ABCC11: variants seen among roughly 807,000 people sequenced by gnomAD.
The protein encoded by ABCC11 is ATP-binding cassette sub-family C member 11.
In ABCC11, 135 loss-of-function variants were observed where a neutral mutation model predicts 149.3. The ratio of observed to expected loss-of-function variants is 0.90; its 90% CI spans 0.79 to 1.04. The LOEUF (loss-of-function observed/expected upper bound fraction) is 1.04. ABCC11 is among the 50% of genes least tolerant of loss of function. The pLI, the probability that ABCC11 is intolerant of heterozygous loss-of-function variation, is 0.00. For missense variants in ABCC11, 1,680 were observed against 1,722.1 expected, an observed-to-expected ratio of 0.98 and a Z score of 0.43; for synonymous variants, 665 against 671.4, an observed-to-expected ratio of 0.99 and a Z score of 0.15.
At chr16:48,244,887 C>T (rs755658492) in intron 1 of ABCC11, among the ~76,000 whole-genome samples, 4 of 152,218 alleles carry the variant, frequency 2.6e-5, no homozygotes, top group Non-Finnish European at 5.9e-5. Flanking sequence ...TTTGAATCCT[C>T]TTCCCCCTCT....
intron 13 of ABCC11, 48 bp from the exon 14 acceptor site, chr16:48,203,348 C>T (rs775990321): frequency 6.7e-7 from 1 of 1,482,660 alleles, no homozygotes; most frequent in Non-Finnish European, 9.2e-7. Flanking sequence ...GCCCTCCCGC[C>T]CATCACCCTT....
chr16:48,206,557 T>C (rs1968467745), intron 12 of ABCC11, among the ~76,000 whole-genome samples: 1 of 152,256 alleles, frequency 6.6e-6, no homozygotes, highest in Admixed American at 6.5e-5. Flanking sequence ...TGTTTACTTC[T>C]AGTTTGGAGC....
In ABCC11 at chr16:48,184,455, G is replaced by T. The variant is rs376409707; in HGVS notation, c.3243C>A (p.Val1081=). The T allele has an allele frequency of 3.5e-5, 57 of 1,613,924 alleles. No homozygotes were observed. The highest frequency in any genetic ancestry group is 8.3e-5 in the Admixed American group (5 of 59,984). The change falls in exon 23 of 30, where the codon GTC becomes GTA. Residue 1081 remains valine (V), a synonymous_variant. Transcript: ENST00000356608. ...STPYSFKVMA[V]NIVLQLASSF... is the part of the protein sequence containing the mutation. Reference sequence around the variant, plus strand: ...ACCCCCTCACCTGCAGCACGATGTTGACAGCCATGACTTTAAAGGAGTAGG... The same window carrying T: ...ACCCCCTCACCTGCAGCACGATGTTTACAGCCATGACTTTAAAGGAGTAGG...
At chr16:48,193,533 C>A (rs1188001603) in intron 19 of ABCC11, among the ~76,000 whole-genome samples, 3 of 152,138 alleles carry the variant, frequency 2.0e-5, no homozygotes, top group African/African-American at 7.2e-5. Flanking sequence ...GCTCACAAGA[C>A]CAGAAGTATA....
At chr16:48,189,905 C>A (rs1030790924) in intron 20 of ABCC11, among the ~76,000 whole-genome samples, 1 of 152,180 alleles carries the variant, frequency 6.6e-6, no homozygotes, top group African/African-American at 2.4e-5. Flanking sequence ...TCACCTCCTG[C>A]GTCTCCAAGT....
intron 6 of ABCC11, among the ~76,000 whole-genome samples, chr16:48,217,855 C>CA (rs1292107682): frequency 2.0e-4 from 30 of 152,082 alleles, no homozygotes; most frequent in African/African-American, 7.0e-4. Context: ...AAAAATTGCA[C>CA]AAAACTCTAT....
At chr16:48,167,429 C>T in intron 29 of ABCC11, 63 bp from the exon 30 acceptor site, 2 of 1,605,752 alleles carry the variant, frequency 1.2e-6, no homozygotes, top group Non-Finnish European at 1.7e-6. Context: ...CCTTGGAGGA[C>T]TCAAAGGCAT....
intron 28 of ABCC11, among the ~76,000 whole-genome samples, chr16:48,169,058 T>G (rs1266944300): frequency 1.3e-5 from 2 of 152,136 alleles, no homozygotes; most frequent in Non-Finnish European, 2.9e-5. Context: ...AAAGTAAATT[T>G]AAAAAATATA....
intron 10 of ABCC11, among the ~76,000 whole-genome samples, chr16:48,212,686 C>A (rs1567268423): frequency 1.3e-5 from 2 of 152,180 alleles, no homozygotes; most frequent in African/African-American, 4.8e-5. Flanking sequence ...GACCCCTGTT[C>A]AATACAGTAT....
At chr16:48,192,486 A>C (rs1967009334) in intron 20 of ABCC11, 34 bp downstream of exon 20, 1 of 1,608,118 alleles carries the variant, frequency 6.2e-7, no homozygotes. Context: ...TTCAGAGCTC[A>C]GCCTTCGGCC....
At chr16:48,227,734 G>C in intron 4 of ABCC11, 72 bp downstream of exon 4, 1 of 1,594,754 alleles carries the variant, frequency 6.3e-7, no homozygotes, top group South Asian at 1.1e-5. Flanking sequence ...CCACCCTTAG[G>C]CATCTCTGGT....
intron 12 of ABCC11, among the ~76,000 whole-genome samples, chr16:48,206,229 A>T (rs1415827308): frequency 1.3e-5 from 2 of 152,232 alleles, no homozygotes; most frequent in African/African-American, 4.8e-5. Flanking sequence ...GTTAGGTAGG[A>T]TAATGTTATC....
At chr16:48,181,545 A>T (rs1425086938) in intron 23 of ABCC11, among the ~76,000 whole-genome samples, 1 of 151,536 alleles carries the variant, frequency 6.6e-6, no homozygotes, top group Non-Finnish European at 1.5e-5. Flanking sequence ...TAACCAATTT[A>T]CCCAAAGCCA....
chr16:48,221,509 C>G (rs1969735513), intron 6 of ABCC11, among the ~76,000 whole-genome samples: 1 of 151,842 alleles, frequency 6.6e-6, no homozygotes, highest in African/African-American at 2.4e-5. Flanking sequence ...GAAAGGATTC[C>G]TTTTTTGCAG....
chr16:48,181,692 G>A (rs1239333229), intron 23 of ABCC11, among the ~76,000 whole-genome samples: 3 of 151,406 alleles, frequency 2.0e-5, no homozygotes, highest in African/African-American at 7.3e-5. Context: ...CTCACTGCAA[G>A]TTCTGCCTCC....
intron 6 of ABCC11, among the ~76,000 whole-genome samples, chr16:48,218,187 T>A (rs1457176263): frequency 6.6e-6 from 1 of 152,136 alleles, no homozygotes; most frequent in Non-Finnish European, 1.5e-5. Context: ...TCCTAGCTAC[T>A]CAGGAGGCTG....
chr16:48,203,884 A>G (rs1968214051), intron 13 of ABCC11, among the ~76,000 whole-genome samples: 1 of 152,238 alleles, frequency 6.6e-6, no homozygotes, highest in Non-Finnish European at 1.5e-5. Context: ...AAAAGCAGCC[A>G]CTATTACAGT....
chr16:48,184,545 C>T lies in ABCC11; in HGVS notation c.3153G>A (p.Glu1051=). 1 of 1,614,260 alleles carries T rather than the reference C, an allele frequency of 6.2e-7. No individual in the cohort carries two copies. The highest frequency in any genetic ancestry group is 1.1e-5 in the South Asian group (1 of 91,084). ...SSTRWMALRL[E]IMTNLVTLAV... The stretch of plus-strand genomic sequence containing the variant: ...CCAAGGTCACAAGGTTGGTCATGAT[C>T]TCCAGCCTCAATGCCATCCATCGTG... The change falls in exon 23 of 30, where the codon GAG becomes GAA. Residue 1051 remains glutamate, a synonymous_variant. Coordinates refer to ENST00000356608, the MANE Select transcript of ABCC11 (RefSeq NM_001370497.1).
chr16:48,219,473 A>G (rs1166720781), intron 6 of ABCC11, among the ~76,000 whole-genome samples: 6 of 152,098 alleles, frequency 3.9e-5, no homozygotes, highest in Non-Finnish European at 8.8e-5. Flanking sequence ...GTCCAGTCAA[A>G]TGTGCTTTAA....
Sources: gnomAD v4.1 joint callset for allele counts (sites outside exome capture counted in the v4.1 genomes callset) on GRCh38, gnomAD v4.1.1 for gene constraint, MANE v1.5 for transcripts, NCBI Gene and HGNC (gene_info 2026-07-23, HGNC 2026-07-21) for gene names.